The following LAMA3 variants were observed in gnomAD, a reference collection of about 807,000 sequenced individuals.
LAMA3 encodes laminin subunit alpha-3.
In LAMA3, 281 loss-of-function variants were observed where a neutral mutation model predicts 402.0. The observed-to-expected ratio is 0.70, with a 90% confidence interval of 0.63 to 0.77. LAMA3 has a LOEUF of 0.77. Ranked by LOEUF, LAMA3 falls within the 30% of genes least tolerant of loss-of-function variation. LAMA3 has a pLI of 0.00. For missense variants in LAMA3, 3,840 were observed against 4,215.5 expected, an observed-to-expected ratio of 0.91 and a Z score of 2.47; for synonymous variants, 1,431 against 1,558.4, an observed-to-expected ratio of 0.92 and a Z score of 1.93.
chr18:23,813,094 C>A lies in LAMA3; in HGVS notation c.1779C>A (p.Asn593Lys). The A allele has an allele frequency of 6.2e-7, 1 of 1,606,688 alleles. No homozygotes were observed. The highest frequency in any genetic ancestry group is 8.5e-7 in the Non-Finnish European group (1 of 1,173,252). The stretch of plus-strand genomic sequence containing the variant: ...CTTGTGACCCAGCTGGTACCATCAA[C>A]TCCAATTTGGTAAGTAGACTATAAA... ...SSACDPAGTINSNLGYCQCKL... is the reference protein window; with the variant it reads ...SSACDPAGTIKSNLGYCQCKL... Residue 593 changes from asparagine to lysine, a missense_variant, in exon 14 of 75, where the codon AAC becomes AAA. By Grantham distance (94) the Asn-to-Lys change is moderately conservative. Around this residue, in one of 3 missense-constraint regions of LAMA3, gnomAD observed 2,109 missense variants for 2,376.0 expected, o/e 0.89. Coordinates refer to ENST00000313654, the MANE Select transcript of LAMA3 (RefSeq NM_198129.4).
chr18:23,792,210 G>A (rs536558721), intron 12 of LAMA3, among the ~76,000 whole-genome samples: 5 of 152,244 alleles, frequency 3.3e-5, no homozygotes, highest in African/African-American at 9.6e-5. Flanking sequence ...AGTCCATTTG[G>A]TATTGCTATA....
At chr18:23,941,000 G>A (rs564327885) in intron 68 of LAMA3, among the ~76,000 whole-genome samples, 14 of 149,474 alleles carry the variant, frequency 9.4e-5, no homozygotes, top group African/African-American at 3.2e-4. Flanking sequence ...ACAGTGGTGC[G>A]ACTTGGCTCA....
Position 23,868,869 on chromosome 18 carries a change from A to G in LAMA3, c.4767+952A>G, listed in dbSNP as rs548510307. Among the ~76,000 whole-genome samples the G allele has an allele frequency of 7.2e-5, 11 of 152,374 alleles. No homozygotes were observed. In the East Asian group the frequency reaches 1.9e-3, roughly 27 times the overall value. On this transcript the variant is annotated intron_variant, in intron 37 of 74. Transcript: ENST00000313654. ...AACTATTCCTTAAAAATAGTGTTCC[A>G]TTTATATTATTAAATATGACCAGTA...
intron 12 of LAMA3, among the ~76,000 whole-genome samples, chr18:23,807,913 G>C (rs1168123681): frequency 6.6e-6 from 1 of 152,182 alleles, no homozygotes; most frequent in Non-Finnish European, 1.5e-5. Context: ...CCACTAGGTA[G>C]AGACTTAACC....
intron 68 of LAMA3, among the ~76,000 whole-genome samples, chr18:23,942,325 C>A (rs144080840): frequency 6.6e-6 from 1 of 152,292 alleles, no homozygotes; most frequent in African/African-American, 2.4e-5. Context: ...GCATCTCCCA[C>A]GACCCTTTCA....
intron 34 of LAMA3, among the ~76,000 whole-genome samples, chr18:23,860,980 C>A (rs1284288224): frequency 4.6e-5 from 7 of 152,156 alleles, no homozygotes; most frequent in Non-Finnish European, 7.4e-5. Context: ...ATGTGACCCA[C>A]CGCACCTGGC....
chr18:23,903,860 A>G, intron 49 of LAMA3, 73 bp from the exon 50 acceptor site: 1 of 1,213,990 alleles, frequency 8.2e-7, no homozygotes, highest in Non-Finnish European at 1.2e-6. Context: ...ATCAGTTATG[A>G]TAGAGTTTGA....
rs200566538 is a variant in LAMA3, at chr18:23,864,841, C to A, written c.4641C>A (p.Gly1547=). The A allele has an allele frequency of 5.6e-6, 9 of 1,613,578 alleles. No homozygotes were observed. The highest frequency in any genetic ancestry group is 1.7e-5 in the Admixed American group (1 of 59,986). ...AAGCCAAGTCCTTTGGCTTGCCTGG[C>A]GACATGGTTCTTCTGGAAAAGAAGC... ...TYQAKSFGLP[G]DMVLLEKKPD... is the part of the protein sequence containing the mutation. The change falls in exon 36 of 75, where the codon GGC becomes GGA. Residue 1547 remains glycine, a synonymous_variant. Transcript: ENST00000313654.
intron 17 of LAMA3, among the ~76,000 whole-genome samples, chr18:23,816,092 G>T (rs763406931): frequency 7.9e-5 from 12 of 152,204 alleles, no homozygotes; most frequent in Admixed American, 3.3e-4. Flanking sequence ...CTGGCTTATA[G>T]TAGCCGCCTC....
intron 1 of LAMA3, among the ~76,000 whole-genome samples, chr18:23,695,796 C>CAAAAAAAAAAAAAAAAAAA (rs58873998): frequency 5.2e-5 from 2 of 38,640 alleles, no homozygotes; most frequent in African/African-American, 1.1e-4. Context: ...GACTCCATCT[C>CAAAAAAAAAAAAAAAAAAA]AAAAAAAAAA....
rs754558574 is a variant in LAMA3 at position 23,932,292 on chromosome 18, G to A, written c.8708+1G>A. On this transcript the variant is annotated splice_donor_variant, in intron 66 of 74. Transcript: ENST00000313654. LOFTEE classifies it high-confidence loss of function. ...GTATTAGCAATGTTTTTGTCCAGAG[G>A]TAGGTGATCCTCTCTTTGTGGGTAA... 3 of 1,613,738 alleles carry A rather than the reference G, an allele frequency of 1.9e-6. No homozygotes were observed. The highest frequency in any genetic ancestry group is 4.5e-5 in the East Asian group (2 of 44,890).
chr18:23,800,485 G>C (rs1014682164), intron 12 of LAMA3, among the ~76,000 whole-genome samples: 2 of 152,164 alleles, frequency 1.3e-5, no homozygotes, highest in South Asian at 2.1e-4. Context: ...TAATGATCAA[G>C]TCAGTAATTA....
At chr18:23,753,377 G>T (rs1438073793) in intron 5 of LAMA3, among the ~76,000 whole-genome samples, 3 of 152,114 alleles carry the variant, frequency 2.0e-5, no homozygotes, top group South Asian at 2.1e-4. Flanking sequence ...AAATTCATTT[G>T]TAAAGAACAT....
Position 23,885,423 on chromosome 18 carries a change from G to A in LAMA3, c.5303+570G>A, listed in dbSNP as rs1016732001. 1.3e-4 allele frequency among the ~76,000 whole-genome samples: 19 copies of A among 146,630 alleles called. No individual in the cohort carries two copies. In the South Asian group the frequency reaches 3.9e-3, roughly 30 times the overall value. ...GGACAATCTATGTCTTGTTTATTTCGGAATCCCTGGTTCCAAGAATGGTAC... is the reference window on the plus strand; with the variant it reads ...GGACAATCTATGTCTTGTTTATTTCAGAATCCCTGGTTCCAAGAATGGTAC... On this transcript the variant is annotated intron_variant, in intron 41 of 74. Coordinates refer to ENST00000313654, the MANE Select transcript of LAMA3 (RefSeq NM_198129.4).
intron 6 of LAMA3, among the ~76,000 whole-genome samples, chr18:23,756,551 G>A (rs1315067772): frequency 6.8e-6 from 1 of 147,198 alleles, no homozygotes; most frequent in Non-Finnish European, 1.5e-5. Context: ...ACGGAGTCAA[G>A]CATCTTGGTT....
intron 36 of LAMA3, among the ~76,000 whole-genome samples, chr18:23,867,570 A>G (rs1210886686): frequency 6.8e-6 from 1 of 146,908 alleles, no homozygotes; most frequent in South Asian, 2.2e-4. Context: ...AAAAAAAAAG[A>G]AAAAAAAAAG....
intron 62 of LAMA3, among the ~76,000 whole-genome samples, chr18:23,926,270 C>T (rs1176223323): frequency 6.6e-6 from 1 of 152,210 alleles, no homozygotes; most frequent in Admixed American, 6.5e-5. Flanking sequence ...TATCTGTTAA[C>T]TGCCTTTCTC....
chr18:23,866,245 T>C (rs933078027), intron 36 of LAMA3, among the ~76,000 whole-genome samples: 2 of 152,230 alleles, frequency 1.3e-5, no homozygotes, highest in Non-Finnish European at 2.9e-5. Context: ...ACCCTAAACA[T>C]AGGGTAGGGT....
intron 32 of LAMA3, among the ~76,000 whole-genome samples, chr18:23,852,977 C>T (rs905754535): frequency 3.3e-5 from 5 of 152,090 alleles, no homozygotes; most frequent in South Asian, 4.1e-4. Flanking sequence ...GAGCCTTCTA[C>T]GAGTCCACAG....
Sources: allele counts gnomAD v4.1 joint callset (sites outside exome capture counted in the v4.1 genomes callset), GRCh38; gene constraint gnomAD v4.1.1; regional missense constraint gnomAD v4.1.1; transcripts MANE v1.5; gene names NCBI Gene and HGNC (gene_info 2026-07-23, HGNC 2026-07-21).